FICD: variants seen among roughly 807,000 people sequenced by gnomAD.
FICD encodes the protein FIC domain protein adenylyltransferase.
Under a neutral mutation model 28.0 loss-of-function variants are expected in FICD, and 13 were observed. The ratio of observed to expected loss-of-function variants is 0.46; its 90% CI spans 0.30 to 0.74. The LOEUF (loss-of-function observed/expected upper bound fraction) is 0.74. Among genes scored for constraint, FICD ranks in the 30% least tolerant of loss-of-function variants. The pLI is 0.07. For missense variants in FICD, 576 were observed against 624.5 expected, an observed-to-expected ratio of 0.92 and a Z score of 0.83; for synonymous variants, 268 against 266.4, an observed-to-expected ratio of 1.01 and a Z score of -0.06.
At position 108,515,286 on chromosome 12, in the gene FICD, G is replaced by C. The variant is rs1428068573; in HGVS notation, c.-134G>C. On this transcript the variant is annotated 5_prime_UTR_variant, in exon 1 of 3. Coordinates refer to ENST00000552695, the MANE Select transcript of FICD (RefSeq NM_007076.3). ...GGGGGCGGGGCCAGAGGCCGGCGGA[G>C]AAGGAGGACCCGGGAGCCGGCGGCC... 3 of 152,582 alleles carry C rather than the reference G, an allele frequency of 2.0e-5. No homozygotes were observed. The highest frequency in any genetic ancestry group is 4.4e-5 in the Non-Finnish European group (3 of 68,320). 9.5% of individuals were successfully genotyped at this position (152,582 alleles called of 1,614,324 possible).
In FICD at chr12:108,520,446, G is replaced by A. The variant is rs889853768; in HGVS notation, c.*971G>A. 2 of 152,162 alleles carry A rather than the reference G, an allele frequency of 1.3e-5. No homozygotes were observed. Among genetic ancestry groups the A allele is most frequent in the African/African-American group, 4.8e-5 (2 of 41,406 alleles). 9.4% of individuals were successfully genotyped at this position (152,162 alleles called of 1,614,324 possible). ...ATGAATTAGAGCACCAGTTTCTACTGAATGGAGCAAAAACCTTCAGCCATG... is the reference window on the plus strand; with the variant it reads ...ATGAATTAGAGCACCAGTTTCTACTAAATGGAGCAAAAACCTTCAGCCATG... On this transcript the variant is annotated 3_prime_UTR_variant, in exon 3 of 3. Coordinates refer to ENST00000552695, the MANE Select transcript of FICD (RefSeq NM_007076.3).
In FICD at chr12:108,518,999, G is replaced by A. The variant is rs141870191; in HGVS notation, c.901G>A (p.Val301Met). The A allele has an allele frequency of 6.1e-4, 990 of 1,614,052 alleles. 3 individuals are homozygous for A. Among genetic ancestry groups the A allele is most frequent in the Non-Finnish European group, 7.9e-4 (938 of 1,180,046 alleles). ...LEIHRRVLGY[V>M]DPVEAGRFRT... The stretch of plus-strand genomic sequence containing the variant: ...GATCCACAGGCGGGTGCTGGGCTAC[G>A]TGGACCCCGTGGAAGCCGGCAGGTT... The change falls in exon 3 of 3, where the codon GTG becomes ATG. Residue 301 changes from valine (V) to methionine (M), a missense_variant. Coordinates refer to ENST00000552695, the MANE Select transcript of FICD (RefSeq NM_007076.3). The surrounding 1 kb of genome is among the most constrained non-coding windows in gnomAD (Gnocchi z 4.4).
In FICD at chr12:108,518,212, G is replaced by T. The variant is rs372951924; in HGVS notation, c.302-188G>T. On this transcript the variant is annotated intron_variant, in intron 2 of 2. Coordinates refer to ENST00000552695, the MANE Select transcript of FICD (RefSeq NM_007076.3). The surrounding 1 kb of genome is among the most constrained non-coding windows in gnomAD (Gnocchi z 4.4). Reference sequence around the variant, plus strand: ...GGATAGTGACTGCATACCACCACACGGCTGGGGCAACAGAGTGGTACCGGG... The same window carrying T: ...GGATAGTGACTGCATACCACCACACTGCTGGGGCAACAGAGTGGTACCGGG... 7 of 704,964 alleles carry T rather than the reference G, an allele frequency of 9.9e-6. No homozygotes were observed. Among genetic ancestry groups the T allele is most frequent in the African/African-American group, 5.2e-5 (3 of 57,388 alleles). 43.7% of individuals were successfully genotyped at this position (704,964 alleles called of 1,614,324 possible).
chr12:108,520,575 T>C lies in FICD; in HGVS notation c.*1100T>C, dbSNP rs530529387. 34 of 152,366 alleles carry C rather than the reference T, an allele frequency of 2.2e-4. No individual in the cohort carries two copies. Among genetic ancestry groups the C allele is most frequent in the African/African-American group, 7.9e-4 (33 of 41,574 alleles). 9.4% of individuals were successfully genotyped at this position (152,366 alleles called of 1,614,324 possible). On this transcript the variant is annotated 3_prime_UTR_variant, in exon 3 of 3. Transcript: ENST00000552695. ...CATCCCCCTGGGAGGCAGAAGAGAT[T>C]GCCTCGGAGTGGCCTTATTTTTCTC... is the stretch of plus-strand genomic sequence containing the variant.
chr12:108,518,797 C>T lies in FICD; in HGVS notation c.699C>T (p.Ile233=), dbSNP rs140164827. Residue 233 remains isoleucine, a synonymous_variant, in exon 3 of 3, where the codon ATC becomes ATT. Coordinates refer to ENST00000552695, the MANE Select transcript of FICD (RefSeq NM_007076.3). This position sits in a 1 kb window ranked among gnomAD's most constrained non-coding sequence, Gnocchi z 4.4. ...ATCACATCTACCACACAGTGGCCAT[C>T]GAGGGCAACACCCTCACCCTCTCGG... ...YYHHIYHTVA[I]EGNTLTLSEI... is the part of the protein sequence containing the mutation. The T allele has an allele frequency of 3.5e-5, 57 of 1,614,076 alleles. No homozygotes were observed. The highest frequency in any genetic ancestry group is 1.6e-4 in the Middle Eastern group (1 of 6,084).
intron 2 of FICD, 199 bp downstream of exon 2, chr12:108,517,472 G>C (rs1871946077): frequency 2.2e-6 from 1 of 446,318 alleles, no homozygotes; most frequent in Admixed American, 4.0e-5. Flanking sequence ...AGCATACCAG[G>C]AAGGCTCCCT....
intron 1 of FICD, among the ~76,000 whole-genome samples, chr12:108,516,503 G>A (rs1871914202): frequency 6.6e-6 from 1 of 152,198 alleles, no homozygotes; most frequent in Non-Finnish European, 1.5e-5. Flanking sequence ...GGGTTCCTGA[G>A]TTCAAGTCCT....
rs1458188080 is a variant in FICD at position 108,517,287 on chromosome 12, G to A, written c.301+14G>A. ...AGGCCTCTCCAGGTAAGACAGACTG[G>A]CCGTCTTCCTCAATGCTTGTTAACT... On this transcript the variant is annotated intron_variant, in intron 2 of 2. Coordinates refer to ENST00000552695, the MANE Select transcript of FICD (RefSeq NM_007076.3). 3 of 1,491,254 alleles carry A rather than the reference G, an allele frequency of 2.0e-6. No individual in the cohort carries two copies. Among genetic ancestry groups the A allele is most frequent in the East Asian group, 2.4e-5 (1 of 42,506 alleles). 92.4% of individuals were successfully genotyped at this position (1,491,254 alleles called of 1,614,324 possible).
rs779604628 is a variant in FICD, at chr12:108,518,955, C to T, written c.857C>T (p.Thr286Ile). The T allele has an allele frequency of 4.3e-6, 7 of 1,614,086 alleles. No homozygotes were observed. In the East Asian group the frequency reaches 1.3e-4, roughly 31 times the overall value. ...CTGGTTTCGCGCATCGGCTCCGTCA[C>T]CATCAGCGACGTGCTGGAGATCCAC... is the stretch of plus-strand genomic sequence containing the variant. ...TTLVSRIGSV[T>I]ISDVLEIHRR... Residue 286 changes from threonine (T) to isoleucine (I), a missense_variant, in exon 3 of 3, where the codon ACC (threonine) becomes ATC (isoleucine). Physicochemically the swap from Thr to Ile is moderately conservative, Grantham distance 89. Transcript: ENST00000552695. This position sits in a 1 kb window ranked among gnomAD's most constrained non-coding sequence, Gnocchi z 4.4.
chr12:108,515,811 C>G (rs981821153), intron 1 of FICD, among the ~76,000 whole-genome samples: 4 of 152,202 alleles, frequency 2.6e-5, no homozygotes, highest in African/African-American at 9.6e-5. Context: ...AGCAGGTGCA[C>G]AGGCCCTGCT....
At position 108,517,166 on chromosome 12, in the gene FICD, C is replaced by T. The variant is rs771785980; in HGVS notation, c.194C>T (p.Pro65Leu). The T allele has an allele frequency of 1.9e-5, 30 of 1,603,980 alleles. No homozygotes were observed. The highest frequency in any genetic ancestry group is 1.7e-4 in the Middle Eastern group (1 of 6,058). ...LKGLYLLRSK[P>L]DRAQHAATKC... ...GGCCTCTACCTGCTCAGGAGCAAAC[C>T]GGACAGGGCGCAGCATGCCGCCACC... Residue 65 changes from proline (P) to leucine (L), a missense_variant, in exon 2 of 3, where the codon CCG becomes CTG. Coordinates refer to ENST00000552695, the MANE Select transcript of FICD (RefSeq NM_007076.3).
At chr12:108,516,165 G>A (rs527483672) in intron 1 of FICD, among the ~76,000 whole-genome samples, 1 of 152,330 alleles carries the variant, frequency 6.6e-6, no homozygotes, top group South Asian at 2.1e-4. Context: ...CTGAGGCCAA[G>A]CACTGTGGCC....
rs760135253 is a variant in FICD, at chr12:108,518,374, A to G, written c.302-26A>G. 2 of 1,603,096 alleles carry G rather than the reference A, an allele frequency of 1.2e-6. No individual in the cohort carries two copies. The highest frequency in any genetic ancestry group is 2.2e-5 in the East Asian group (1 of 44,786). ...CTCTGCCCCCTAGCCTCCCTCCCTC[A>G]CAGCGCTTCTTTGGCTCTCTTCCAG... On this transcript the variant is annotated intron_variant, in intron 2 of 2. Transcript: ENST00000552695. The surrounding 1 kb of genome is among the most constrained non-coding windows in gnomAD (Gnocchi z 4.4).
At position 108,520,095 on chromosome 12, in the gene FICD, T is replaced by TG. The variant is rs1872062300; in HGVS notation, c.*620_*621insG. The stretch of plus-strand genomic sequence containing the variant: ...CTTTAGTGCCAGCAGCTGTTTTTTT[T>TG]TTTTTTTTTTTCATATTGAGACTAT... On this transcript the variant is annotated 3_prime_UTR_variant, in exon 3 of 3. Transcript: ENST00000552695. 1 of 151,264 alleles carries TG rather than the reference T, an allele frequency of 6.6e-6. No individual in the cohort carries two copies. The highest frequency in any genetic ancestry group is 2.4e-5 in the African/African-American group (1 of 41,188). The allele number at this position is 151,264 out of a possible 1,614,324, so 9.4% of individuals were successfully genotyped here. A position where few individuals can be genotyped will look rare whatever the true frequency, so the allele number is the denominator to read the frequency against.
chr12:108,516,843 C>A, intron 1 of FICD, 72 bp from the exon 2 acceptor site: 1 of 715,728 alleles, frequency 1.4e-6, no homozygotes, highest in Non-Finnish European at 2.1e-6. Flanking sequence ...GTCTCCAAAC[C>A]CATCTTCCCA....
rs964597674 is a variant in FICD, at chr12:108,518,152, T to C, written c.302-248T>C. ...GAGGCTAGGAAGCCAAGGAGGTGCC[T>C]CCCAGAATACAAGAGAGTGGCTCTG... On this transcript the variant is annotated intron_variant, in intron 2 of 2. Transcript: ENST00000552695. The surrounding 1 kb of genome is among the most constrained non-coding windows in gnomAD (Gnocchi z 4.4). 3 of 702,424 alleles carry C rather than the reference T, an allele frequency of 4.3e-6. No individual in the cohort carries two copies. The highest frequency in any genetic ancestry group is 7.8e-6 in the Non-Finnish European group (3 of 384,888). The allele number at this position is 702,424 out of a possible 1,614,324, so 43.5% of individuals were successfully genotyped here.
Position 108,519,573 on chromosome 12 carries a change from A to C in FICD, c.*98A>C. On this transcript the variant is annotated 3_prime_UTR_variant, in exon 3 of 3. Coordinates refer to ENST00000552695, the MANE Select transcript of FICD (RefSeq NM_007076.3). This position sits in a 1 kb window ranked among gnomAD's most constrained non-coding sequence, Gnocchi z 4.5. Reference sequence around the variant, plus strand: ...TAGTCACTTCCTAAAGCAAAAGGAGAAACATTCTTTACCTCCAAATGTTTT... The same window carrying C: ...TAGTCACTTCCTAAAGCAAAAGGAGCAACATTCTTTACCTCCAAATGTTTT... 1 of 673,292 alleles carries C rather than the reference A, an allele frequency of 1.5e-6. No homozygotes were observed. Among genetic ancestry groups the C allele is most frequent in the Non-Finnish European group, 2.4e-6 (1 of 422,922 alleles). The allele number at this position is 673,292 out of a possible 1,614,324, so 41.7% of individuals were successfully genotyped here.
Position 108,519,048 on chromosome 12 carries a change from G to A in FICD, c.950G>A (p.Gly317Glu), listed in dbSNP as rs1872015615. 1.2e-6 allele frequency: 2 copies of A among 1,614,108 alleles called. No homozygotes were observed. The highest frequency in any genetic ancestry group is 1.7e-6 in the Non-Finnish European group (2 of 1,180,054). ...GRFRTTQVLV[G>E]HHIPPHPQDV... ...TTTCGGACAACACAGGTCCTGGTCG[G>A]ACACCACATCCCTCCCCATCCGCAG... The change falls in exon 3 of 3, where the codon GGA (glycine) becomes GAA (glutamate). Residue 317 changes from glycine (G) to glutamate (E), a missense_variant. Transcript: ENST00000552695. This position sits in a 1 kb window ranked among gnomAD's most constrained non-coding sequence, Gnocchi z 4.5.
rs376822490 is a variant in FICD, at chr12:108,518,963, G to A, written c.865G>A (p.Asp289Asn). ...VSRIGSVTIS[D>N]VLEIHRRVLG... is the part of the protein sequence containing the mutation. ...GCGCATCGGCTCCGTCACCATCAGC[G>A]ACGTGCTGGAGATCCACAGGCGGGT... The change falls in exon 3 of 3, where the codon GAC becomes AAC. Residue 289 changes from aspartate to asparagine, a missense_variant. Physicochemically the swap from Asp to Asn is conservative, Grantham distance 23. Transcript: ENST00000552695. The surrounding 1 kb of genome is among the most constrained non-coding windows in gnomAD (Gnocchi z 4.4). 9.3e-6 allele frequency: 15 copies of A among 1,614,076 alleles called. No individual in the cohort carries two copies. Among genetic ancestry groups the A allele is most frequent in the East Asian group, 8.9e-5 (4 of 44,894 alleles).
Sources: gnomAD v4.1 joint callset for allele counts (sites outside exome capture counted in the v4.1 genomes callset) on GRCh38, gnomAD v4.1.1 for gene constraint, Gnocchi (gnomAD v3.1) non-coding constraint, MANE v1.5 for transcripts, NCBI Gene and HGNC (gene_info 2026-07-23, HGNC 2026-07-21) for gene names.